BTRC: variants seen among roughly 807,000 people sequenced by gnomAD.
The protein encoded by BTRC is beta-transducin repeat containing E3 ubiquitin protein ligase.
In BTRC, 42 loss-of-function variants were observed where a neutral mutation model predicts 85.5. The observed-to-expected ratio is 0.49, with a 90% CI of 0.38 to 0.64. The LOEUF (loss-of-function observed/expected upper bound fraction) is 0.64. Ranked by LOEUF, BTRC falls within the 30% of genes least tolerant of loss-of-function variation. The pLI, the probability that BTRC is intolerant of heterozygous loss-of-function variation, is 0.00. For synonymous variants in BTRC, 255 were observed against 263.3 expected, an observed-to-expected ratio of 0.97 and a Z score of 0.30; for missense variants, 594 against 743.5, an observed-to-expected ratio of 0.80 and a Z score of 2.34.
intron 1 of BTRC, among the ~76,000 whole-genome samples, chr10:101,377,675 T>A (rs1303697175): frequency 1.3e-5 from 2 of 152,230 alleles, no homozygotes; most frequent in African/African-American, 4.8e-5. Flanking sequence ...ACACAAAAGA[T>A]AATGCATGGT....
chr10:101,465,369 T>G (rs547783649), intron 3 of BTRC, among the ~76,000 whole-genome samples: 3 of 152,344 alleles, frequency 2.0e-5, no homozygotes, highest in African/African-American at 7.2e-5. Context: ...TGATAGGACA[T>G]AACTACTGCA....
intron 13 of BTRC, among the ~76,000 whole-genome samples, chr10:101,546,430 T>C (rs1003457462): frequency 5.9e-5 from 9 of 152,290 alleles, no homozygotes; most frequent in African/African-American, 2.2e-4. Flanking sequence ...ACTTTTCATT[T>C]TTGTGGGTAC....
intron 13 of BTRC, among the ~76,000 whole-genome samples, chr10:101,549,226 A>T (rs1398114711): frequency 6.8e-6 from 1 of 147,518 alleles, no homozygotes; most frequent in Non-Finnish European, 1.5e-5. Context: ...CTTGGTCTTG[A>T]GTTCAAGACC....
chr10:101,504,109 G>A (rs1422196360), intron 4 of BTRC, among the ~76,000 whole-genome samples: 1 of 152,162 alleles, frequency 6.6e-6, no homozygotes, highest in Admixed American at 6.5e-5. Context: ...TCAACTTTCA[G>A]CATCACAGAA....
At chr10:101,504,598 C>T (rs1175319328) in intron 4 of BTRC, among the ~76,000 whole-genome samples, 3 of 152,022 alleles carry the variant, frequency 2.0e-5, no homozygotes, top group African/African-American at 7.2e-5. Context: ...TGTCATTCCT[C>T]TTCCTCTTCT....
At chr10:101,401,741 G>A (rs1401694529) in intron 1 of BTRC, among the ~76,000 whole-genome samples, 1 of 151,464 alleles carries the variant, frequency 6.6e-6, no homozygotes, top group East Asian at 1.9e-4. Flanking sequence ...CTGAGGCTGA[G>A]TCGGGAGGAT....
At chr10:101,476,092 C>T (rs532167443) in intron 3 of BTRC, among the ~76,000 whole-genome samples, 38 of 151,900 alleles carry the variant, frequency 2.5e-4, no homozygotes, top group African/African-American at 8.7e-4. Context: ...GGCACATCAC[C>T]TCTAAAGTAT....
At chr10:101,485,677 C>T (rs893157102) in intron 4 of BTRC, among the ~76,000 whole-genome samples, 4 of 152,138 alleles carry the variant, frequency 2.6e-5, no homozygotes, top group Non-Finnish European at 4.4e-5. Context: ...AGCGGTTCAG[C>T]TGTTGGGAAC....
intron 4 of BTRC, among the ~76,000 whole-genome samples, chr10:101,506,874 A>G (rs1946555983): frequency 6.6e-6 from 1 of 152,196 alleles, no homozygotes; most frequent in Non-Finnish European, 1.5e-5. Flanking sequence ...AGATCTAGGA[A>G]TTCTGCAGTT....
intron 1 of BTRC, among the ~76,000 whole-genome samples, chr10:101,407,160 C>A (rs1364949219): frequency 6.6e-6 from 1 of 152,028 alleles, no homozygotes; most frequent in Non-Finnish European, 1.5e-5. Context: ...GAGTATGAGA[C>A]CTGCCTGGGT....
chr10:101,371,041 G>A (rs113590309), intron 1 of BTRC, among the ~76,000 whole-genome samples: 27 of 152,214 alleles, frequency 1.8e-4, no homozygotes, highest in African/African-American at 6.3e-4. Context: ...GTAGTGTTAA[G>A]TATATTCACA....
chr10:101,368,864 C>A (rs1942552483), intron 1 of BTRC, among the ~76,000 whole-genome samples: 1 of 152,046 alleles, frequency 6.6e-6, no homozygotes, highest in Admixed American at 6.6e-5. Flanking sequence ...ACTAAAGGTA[C>A]AAAAGTTAGC....
chr10:101,525,483 T>G (rs927751246), intron 5 of BTRC, among the ~76,000 whole-genome samples: 10 of 152,322 alleles, frequency 6.6e-5, no homozygotes, highest in Admixed American at 5.9e-4. Context: ...ATTTCCTTCT[T>G]CTCTCCTTTC....
intron 6 of BTRC, among the ~76,000 whole-genome samples, chr10:101,527,241 C>T (rs953151452): frequency 1.3e-5 from 2 of 152,108 alleles, no homozygotes; most frequent in African/African-American, 4.8e-5. Flanking sequence ...TATTCATGGG[C>T]CAGCTTTCCT....
Position 101,526,199 on chromosome 10 carries a change from G to A in BTRC, c.743G>A (p.Trp248Ter). Reference sequence around the variant, plus strand: ...AGAGGCCTGGCAGAACGAAGAGGATGGTGAGCCTTTAACTTTTCTTACTCT... The same window carrying A: ...AGAGGCCTGGCAGAACGAAGAGGATAGTGAGCCTTTAACTTTTCTTACTCT... The part of the protein sequence containing the change: ...LWRGLAERRG[W>*]GQYLFKNKPP... The change falls in exon 6 of 15, where the codon TGG becomes TAG. Residue 248 changes from tryptophan (W) to a stop codon, truncating the protein, a stop_gained and splice_region_variant. Coordinates refer to ENST00000370187, the MANE Select transcript of BTRC (RefSeq NM_033637.4). LOFTEE classifies it high-confidence loss of function. The A allele has an allele frequency of 6.2e-7, 1 of 1,613,186 alleles. No individual in the cohort carries two copies. The highest frequency in any genetic ancestry group is 8.5e-7 in the Non-Finnish European group (1 of 1,179,396).
chr10:101,464,547 C>T (rs922932907), intron 3 of BTRC, among the ~76,000 whole-genome samples: 1 of 142,454 alleles, frequency 7.0e-6, no homozygotes, highest in Non-Finnish European at 1.5e-5. Flanking sequence ...CCCCACCCCC[C>T]CCATGGTGCT....
At chr10:101,484,307 A>G (rs1290622216) in intron 4 of BTRC, among the ~76,000 whole-genome samples, 1 of 152,268 alleles carries the variant, frequency 6.6e-6, no homozygotes, top group Admixed American at 6.5e-5. Flanking sequence ...GTTTAAATTC[A>G]GATTATGCTG....
chr10:101,496,190 T>C (rs964490402), intron 4 of BTRC, among the ~76,000 whole-genome samples: 1 of 152,190 alleles, frequency 6.6e-6, no homozygotes, highest in Admixed American at 6.5e-5. Context: ...CTACAAAAAA[T>C]TATTTTACAT....
At chr10:101,395,140 G>A (rs1036431891) in intron 1 of BTRC, among the ~76,000 whole-genome samples, 20 of 152,150 alleles carry the variant, frequency 1.3e-4, no homozygotes, top group African/African-American at 4.8e-4. Context: ...TTTGCTTGGG[G>A]AGTTGAGGCC....
Sources: allele counts gnomAD v4.1 joint callset (sites outside exome capture counted in the v4.1 genomes callset), GRCh38; gene constraint gnomAD v4.1.1; transcripts MANE v1.5; gene names NCBI Gene and HGNC (gene_info 2026-07-23, HGNC 2026-07-21).